FAM184B: variants seen among roughly 807,000 people sequenced by gnomAD.
The protein encoded by FAM184B is protein FAM184B.
A neutral mutation model predicts 135.9 loss-of-function variants in FAM184B; 111 were observed. The observed-to-expected ratio is 0.82, with a 90% CI of 0.70 to 0.96. The LOEUF (loss-of-function observed/expected upper bound fraction) is 0.96. Among genes scored for constraint, FAM184B ranks in the 40% least tolerant of loss-of-function variants. FAM184B has a pLI of 0.00. For missense variants in FAM184B, 1,375 were observed against 1,323.9 expected, an observed-to-expected ratio of 1.04 and a Z score of -0.60; for synonymous variants, 552 against 524.8, an observed-to-expected ratio of 1.05 and a Z score of -0.71.
At chr4:17,702,539 T>C (rs1717012295) in intron 5 of FAM184B, among the ~76,000 whole-genome samples, 1 of 152,194 alleles carries the variant, frequency 6.6e-6, no homozygotes, top group South Asian at 2.1e-4. Flanking sequence ...AGTGCACTCC[T>C]AACTCTACAG....
At chr4:17,676,748 ATG>A (rs1716317669) in intron 7 of FAM184B, among the ~76,000 whole-genome samples, 1 of 152,176 alleles carries the variant, frequency 6.6e-6, no homozygotes, top group Non-Finnish European at 1.5e-5. Flanking sequence ...TATCTTTTCT[ATG>A]TTTAGCTACT....
rs1202239900 is a variant in FAM184B, at chr4:17,709,273, G to A, written c.513C>T (p.Thr171=). 3 of 1,548,288 alleles carry A rather than the reference G, an allele frequency of 1.9e-6. No individual in the cohort carries two copies. The highest frequency in any genetic ancestry group is 2.0e-5 in the Admixed American group (1 of 50,816). ...RLQHLTSHEA[T]PQGRLPQESP... ...TCTCCTGGGGCAGCCGGCCCTGCGG[G>A]GTAGCCTCGTGGCTCGTCAGGTGCT... Residue 171 remains threonine (T), a synonymous_variant, in exon 2 of 18, where the codon ACC becomes ACT. Transcript: ENST00000265018.
intron 5 of FAM184B, among the ~76,000 whole-genome samples, chr4:17,695,994 A>G (rs1413135257): frequency 6.6e-6 from 1 of 152,178 alleles, no homozygotes; most frequent in African/African-American, 2.4e-5. Context: ...TAGAGGTTAC[A>G]ATATCCAGCA....
At chr4:17,685,419 T>C (rs923746822) in intron 7 of FAM184B, among the ~76,000 whole-genome samples, 1 of 151,486 alleles carries the variant, frequency 6.6e-6, no homozygotes, top group Non-Finnish European at 1.5e-5. Context: ...CGTGGTGGTG[T>C]GCGCCTATAG....
At chr4:17,637,262 C>T (rs962634799) in intron 14 of FAM184B, among the ~76,000 whole-genome samples, 3 of 152,140 alleles carry the variant, frequency 2.0e-5, no homozygotes, top group African/African-American at 7.2e-5. Context: ...TTCCTGACCT[C>T]GTGATCCGCC....
rs1717079162 is a variant in FAM184B, at chr4:17,705,185, C to T, written c.1192G>A (p.Glu398Lys). 3 of 1,551,600 alleles carry T rather than the reference C, an allele frequency of 1.9e-6. No homozygotes were observed. Among genetic ancestry groups the T allele is most frequent in the Non-Finnish European group, 8.7e-7 (1 of 1,147,012 alleles). The change falls in exon 5 of 18, where the codon GAG (glutamate) becomes AAG (lysine). Residue 398 changes from glutamate (E) to lysine (K), a missense_variant. Physicochemically the swap from Glu to Lys is moderately conservative, Grantham distance 56. Coordinates refer to ENST00000265018, the MANE Select transcript of FAM184B (RefSeq NM_015688.2). ...DMQTKKEASA[E>K]TEYMKQQYEE... ...TATTGTTGCTTCATATATTCTGTCT[C>T]AGCACTTGCCTCTTTCTTGGTCTAT...
At chr4:17,752,100 G>T (rs1718309144) in intron 1 of FAM184B, among the ~76,000 whole-genome samples, 1 of 152,066 alleles carries the variant, frequency 6.6e-6, no homozygotes, top group South Asian at 2.1e-4. Flanking sequence ...TACAATGACT[G>T]GCTCTGTTTT....
chr4:17,772,960 C>T (rs1718850872), intron 1 of FAM184B, among the ~76,000 whole-genome samples: 1 of 152,174 alleles, frequency 6.6e-6, no homozygotes, highest in Non-Finnish European at 1.5e-5. Flanking sequence ...CCAAACCTCA[C>T]TAATTAACTA....
At chr4:17,780,444 T>A (rs999580027) in intron 1 of FAM184B, among the ~76,000 whole-genome samples, 30 of 152,078 alleles carry the variant, frequency 2.0e-4, no homozygotes, top group African/African-American at 7.3e-4. Context: ...ACAAGGAGCT[T>A]CTAATTGGGG....
rs530024916 is a variant in FAM184B, at chr4:17,734,424, C to T, written c.142-24780G>A. Among the ~76,000 whole-genome samples, 34 of 152,092 alleles carry T rather than the reference C, an allele frequency of 2.2e-4. 1 individual carries two copies. In the South Asian group the frequency reaches 3.5e-3, roughly 16 times the overall value. ...ACAAAATGGGAGAAAATTTTTGCAA[C>T]CTACTCATCTGACAAAGGCCTAATA... On this transcript the variant is annotated intron_variant, in intron 1 of 17. Coordinates refer to ENST00000265018, the MANE Select transcript of FAM184B (RefSeq NM_015688.2).
intron 1 of FAM184B, among the ~76,000 whole-genome samples, chr4:17,718,710 T>A (rs1717451497): frequency 6.6e-6 from 1 of 152,222 alleles, no homozygotes; most frequent in South Asian, 2.1e-4. Flanking sequence ...AAGAAAAGCC[T>A]GTGCTGGGTA....
intron 1 of FAM184B, among the ~76,000 whole-genome samples, chr4:17,770,466 T>A (rs7688972): frequency 1.4e-3 from 209 of 152,088 alleles, no homozygotes; most frequent in African/African-American, 4.8e-3. Context: ...TTGTTGTTGT[T>A]GTTGTTGTTT....
intron 12 of FAM184B, among the ~76,000 whole-genome samples, chr4:17,644,313 G>A (rs184880835): frequency 3.3e-5 from 5 of 152,270 alleles, no homozygotes; most frequent in Non-Finnish European, 2.9e-5. Context: ...TATCCCTGAT[G>A]AACATTGATG....
chr4:17,644,635 T>C (rs1489088228), intron 12 of FAM184B, among the ~76,000 whole-genome samples: 1 of 152,212 alleles, frequency 6.6e-6, no homozygotes, highest in Non-Finnish European at 1.5e-5. Flanking sequence ...TATCATATAC[T>C]GAATGGGCAA....
intron 9 of FAM184B, 72 bp downstream of exon 9, chr4:17,659,886 C>T (rs1284193560): frequency 1.3e-6 from 2 of 1,528,862 alleles, no homozygotes; most frequent in Non-Finnish European, 1.8e-6. Context: ...GCCCTGCATG[C>T]ATTTCCAAGT....
intron 1 of FAM184B, among the ~76,000 whole-genome samples, chr4:17,749,617 T>A (rs1279009539): frequency 6.6e-6 from 1 of 152,196 alleles, no homozygotes; most frequent in Non-Finnish European, 1.5e-5. Context: ...TTTGTTGCCA[T>A]GTTACATCAT....
intron 10 of FAM184B, among the ~76,000 whole-genome samples, chr4:17,655,321 A>G (rs1039209082): frequency 2.0e-5 from 3 of 152,140 alleles, no homozygotes; most frequent in African/African-American, 7.2e-5. Context: ...AAACTCTCTC[A>G]CTCTGACCCA....
intron 7 of FAM184B, among the ~76,000 whole-genome samples, chr4:17,678,137 T>G (rs1428131754): frequency 1.3e-5 from 2 of 152,174 alleles, no homozygotes; most frequent in East Asian, 3.9e-4. Context: ...CTCTCACCAC[T>G]TCTATTCAAC....
At chr4:17,664,453 C>A in intron 8 of FAM184B, 109 bp downstream of exon 8, 1 of 835,820 alleles carries the variant, frequency 1.2e-6, no homozygotes, top group Admixed American at 2.6e-5. Context: ...AAGCATGCTG[C>A]AAGGAGCAGT....
Sources: allele counts gnomAD v4.1 joint callset (sites outside exome capture counted in the v4.1 genomes callset), GRCh38; gene constraint gnomAD v4.1.1; transcripts MANE v1.5; gene names NCBI Gene and HGNC (gene_info 2026-07-23, HGNC 2026-07-21).